Variants in STX8 observed in about 807,000 individuals in gnomAD.
STX8 encodes syntaxin 8, also known as syntaxin-8.
In STX8, 23 loss-of-function variants were observed where a neutral mutation model predicts 37.5. The ratio of observed to expected loss-of-function variants is 0.61; its 90% CI spans 0.44 to 0.87. The LOEUF (loss-of-function observed/expected upper bound fraction) is 0.87, where lower values mean the gene tolerates loss of function less well. STX8 is among the 40% of genes least tolerant of loss of function. The pLI, the probability that STX8 is intolerant of heterozygous loss-of-function variation, is 0.00. For missense variants in STX8, 313 were observed against 284.7 expected, an observed-to-expected ratio of 1.10 and a Z score of -0.71; for synonymous variants, 115 against 99.1, an observed-to-expected ratio of 1.16 and a Z score of -0.95.
chr17:9,421,392 C>G (rs1173621585), intron 6 of STX8, among the ~76,000 whole-genome samples: 1 of 56,772 alleles, frequency 1.8e-5, no homozygotes, highest in African/African-American at 6.6e-5. Flanking sequence ...AACTCCATCT[C>G]AAAAAAAAAA....
At chr17:9,493,279 T>C (rs1906936278) in intron 5 of STX8, among the ~76,000 whole-genome samples, 1 of 152,054 alleles carries the variant, frequency 6.6e-6, no homozygotes, top group Admixed American at 6.6e-5. Context: ...TAAAAAATAA[T>C]TTGAAAATTT....
At chr17:9,392,582 G>C (rs1462594106) in intron 6 of STX8, among the ~76,000 whole-genome samples, 1 of 152,090 alleles carries the variant, frequency 6.6e-6, no homozygotes, top group African/African-American at 2.4e-5. Context: ...ACTTCAGCCT[G>C]GATGACAGAG....
intron 7 of STX8, among the ~76,000 whole-genome samples, chr17:9,300,857 C>T (rs11651781): frequency 0.14 from 14,039 of 103,628 alleles, 943 homozygotes; most frequent in Middle Eastern, 0.33. Flanking sequence ...TTTTTTGAGA[C>T]GGAGTCTCAC....
At chr17:9,441,624 G>T (rs561991478) in intron 6 of STX8, among the ~76,000 whole-genome samples, 1 of 150,674 alleles carries the variant, frequency 6.6e-6, no homozygotes, top group Admixed American at 6.6e-5. Flanking sequence ...TCCCCAAGGC[G>T]CTGCCCTAAG....
intron 6 of STX8, among the ~76,000 whole-genome samples, chr17:9,484,439 G>A (rs1301381180): frequency 1.3e-5 from 2 of 151,892 alleles, no homozygotes; most frequent in Admixed American, 6.6e-5. Flanking sequence ...TGCTGAGGTG[G>A]GGGTTGGAGG....
chr17:9,412,509 C>A (rs1913019082), intron 6 of STX8, among the ~76,000 whole-genome samples: 2 of 152,168 alleles, frequency 1.3e-5, no homozygotes, highest in South Asian at 2.1e-4. Context: ...AAACTCCCGA[C>A]CTCAGGTGAT....
At chr17:9,438,963 G>A (rs1203656052) in intron 6 of STX8, among the ~76,000 whole-genome samples, 2 of 151,906 alleles carry the variant, frequency 1.3e-5, no homozygotes, top group African/African-American at 4.8e-5. Context: ...AAAAACCATA[G>A]TCAAACAAAC....
intron 7 of STX8, among the ~76,000 whole-genome samples, chr17:9,335,732 G>T (rs537530728): frequency 6.6e-6 from 1 of 151,822 alleles, no homozygotes; most frequent in African/African-American, 2.4e-5. Context: ...ATATGAGCTA[G>T]ATCTTTACCT....
At chr17:9,449,992 C>T (rs953076388) in intron 6 of STX8, among the ~76,000 whole-genome samples, 2 of 151,732 alleles carry the variant, frequency 1.3e-5, no homozygotes, top group Non-Finnish European at 2.9e-5. Flanking sequence ...AATGAAAGAA[C>T]CTTTGAAGGT....
chr17:9,471,557 G>A (rs1355790085), intron 6 of STX8, among the ~76,000 whole-genome samples: 1 of 152,130 alleles, frequency 6.6e-6, no homozygotes, highest in Non-Finnish European at 1.5e-5. Context: ...GGTAAGAGTG[G>A]CAATCTGTGC....
chr17:9,482,124 A>T (rs1190885978), intron 6 of STX8, among the ~76,000 whole-genome samples: 1 of 152,078 alleles, frequency 6.6e-6, no homozygotes, highest in East Asian at 1.9e-4. Flanking sequence ...GTGTACCATG[A>T]TCGAGCCTGT....
intron 4 of STX8, among the ~76,000 whole-genome samples, chr17:9,522,192 A>G (rs1040381152): frequency 2.6e-5 from 4 of 152,152 alleles, no homozygotes; most frequent in Non-Finnish European, 5.9e-5. Flanking sequence ...AGGGGCAAAA[A>G]GGGGTGATAC....
intron 7 of STX8, among the ~76,000 whole-genome samples, chr17:9,285,995 AGC>A (rs1358680393): frequency 6.6e-6 from 1 of 152,136 alleles, no homozygotes; most frequent in Non-Finnish European, 1.5e-5. Context: ...AACTATATGG[AGC>A]GCTTTGGAAA....
chr17:9,296,629 TAA>T (rs56185238), intron 7 of STX8, among the ~76,000 whole-genome samples: 30,359 of 140,224 alleles, frequency 0.22, 3,336 homozygotes, highest in Non-Finnish European at 0.27. Flanking sequence ...GTTGAAAGAC[TAA>T]AAAAAAAAAA....
chr17:9,444,151 T>TTCTCTCTTTC, intron 6 of STX8, among the ~76,000 whole-genome samples: 1 of 146,544 alleles, frequency 6.8e-6, no homozygotes, highest in South Asian at 2.2e-4. Flanking sequence ...TCTTCTCTCT[T>TTCTCTCTTTC]TCTCTCTCTC....
intron 5 of STX8, among the ~76,000 whole-genome samples, chr17:9,496,115 G>A (rs868499913): frequency 4.9e-5 from 7 of 143,990 alleles, no homozygotes; most frequent in Admixed American, 2.9e-4. Context: ...CGCTCTTGTC[G>A]CCCAGGCTGG....
intron 6 of STX8, among the ~76,000 whole-genome samples, chr17:9,477,121 G>A (rs1906138363): frequency 1.3e-5 from 2 of 152,066 alleles, no homozygotes; most frequent in South Asian, 4.1e-4. Flanking sequence ...ACTTCTCAAA[G>A]TGCTAGGATT....
chr17:9,297,597 G>C (rs927477142), intron 7 of STX8, among the ~76,000 whole-genome samples: 1 of 152,220 alleles, frequency 6.6e-6, no homozygotes. Flanking sequence ...GCCGGATGCA[G>C]TAGCTCACGC....
chr17:9,401,152 T>C (rs1912603048), intron 6 of STX8, among the ~76,000 whole-genome samples: 1 of 152,234 alleles, frequency 6.6e-6, no homozygotes, highest in African/African-American at 2.4e-5. Flanking sequence ...GAGCAAATTC[T>C]AATTTCAAAT....
Sources: gnomAD v4.1 joint callset for allele counts (sites outside exome capture counted in the v4.1 genomes callset) on GRCh38, gnomAD v4.1.1 for gene constraint, MANE v1.5 for transcripts, NCBI Gene and HGNC (gene_info 2026-07-23, HGNC 2026-07-21) for gene names.